Variants in RUNX1 observed in about 807,000 individuals in gnomAD.
RUNX1 encodes the protein RUNX family transcription factor 1, also known as runt-related transcription factor 1.
A neutral mutation model predicts 42.8 loss-of-function variants in RUNX1; 19 were observed. The observed-to-expected ratio is 0.44, with a 90% CI of 0.31 to 0.65. RUNX1 has a LOEUF of 0.65. Ranked by LOEUF, RUNX1 falls within the 30% of genes least tolerant of loss-of-function variation. RUNX1 has a pLI of 0.07. For synonymous variants in RUNX1, 271 were observed against 289.4 expected (o/e 0.94, Z 0.64); for missense variants, 528 against 672.0 (o/e 0.79, Z 2.37).
intron 7 of RUNX1, among the ~76,000 whole-genome samples, chr21:34,801,236 GAACTGTCAT>G (rs1167430463): frequency 1.3e-5 from 2 of 151,920 alleles, no homozygotes; most frequent in Admixed American, 1.3e-4. Flanking sequence ...AGAGGTTTCA[GAACTGTCAT>G]AAAGCCCCCC....
chr21:34,888,088 C>G (rs942716664), intron 3 of RUNX1: 2 of 1,066,262 alleles, frequency 1.9e-6, no homozygotes, highest in Non-Finnish European at 2.3e-6. Context: ...GAGTCACACA[C>G]ATGCAAACAC....
intron 2 of RUNX1, among the ~76,000 whole-genome samples, chr21:35,020,288 A>G (rs887152771): frequency 6.6e-6 from 1 of 152,030 alleles, no homozygotes; most frequent in South Asian, 2.1e-4. Flanking sequence ...AGCATTTTTC[A>G]TCATAGCATC....
chr21:34,831,438 G>T (rs1304082773), intron 7 of RUNX1, among the ~76,000 whole-genome samples: 21 of 152,178 alleles, frequency 1.4e-4, no homozygotes, highest in Admixed American at 1.4e-3. Flanking sequence ...AAGTATTGGT[G>T]CTATTCTATA....
intron 2 of RUNX1, among the ~76,000 whole-genome samples, chr21:34,957,685 C>T (rs1208741517): frequency 1.3e-5 from 2 of 152,174 alleles, no homozygotes; most frequent in Admixed American, 6.5e-5. Context: ...GATATTCACA[C>T]ATCATAATCA....
intron 2 of RUNX1, among the ~76,000 whole-genome samples, chr21:34,898,801 C>A (rs557161536): frequency 6.6e-6 from 1 of 152,244 alleles, no homozygotes; most frequent in Admixed American, 6.5e-5. Flanking sequence ...TCTGCCTCAG[C>A]AGGTCTCGGA....
chr21:34,987,417 C>A (rs929801776), intron 2 of RUNX1, among the ~76,000 whole-genome samples: 1 of 152,148 alleles, frequency 6.6e-6, no homozygotes, highest in Non-Finnish European at 1.5e-5. Context: ...CCCAGGCGCC[C>A]AGCTTCTTGG....
chr21:34,816,938 C>G (rs1056051804), intron 7 of RUNX1, among the ~76,000 whole-genome samples: 2 of 152,178 alleles, frequency 1.3e-5, no homozygotes, highest in African/African-American at 4.8e-5. Context: ...GAGAAGGAGA[C>G]AGGAAACTGG....
At chr21:34,880,779 G>C (rs2057892325) in intron 4 of RUNX1, 66 bp from the exon 5 acceptor site, 5 of 1,491,418 alleles carry the variant, frequency 3.4e-6, no homozygotes, top group Non-Finnish European at 4.7e-6. Context: ...TAGGGCATTT[G>C]TGTAGTGATT....
intron 2 of RUNX1, among the ~76,000 whole-genome samples, chr21:34,996,544 CCAGGGCAGAAT>C (rs2058998041): frequency 6.6e-6 from 1 of 151,850 alleles, no homozygotes; most frequent in African/African-American, 2.4e-5. Flanking sequence ...AGGACGAAGA[CCAGGGCAGAAT>C]CTTTGGCCTA....
chr21:34,844,598 G>GTGAA lies in RUNX1; in HGVS notation c.614-10001_614-9998dup, dbSNP rs900021466. 4.9e-5 allele frequency among the ~76,000 whole-genome samples: 7 copies of GTGAA among 143,462 alleles called. No individual in the cohort carries two copies. The East Asian group carries it at 1.7e-3, about 35-fold the overall frequency. The allele number at this position is 143,462 out of a possible 152,430, so 94.1% of individuals were successfully genotyped here. On this transcript the variant is annotated intron_variant, in intron 6 of 8. Coordinates refer to ENST00000675419, the MANE Select transcript of RUNX1 (RefSeq NM_001754.5). ...GACAAATAAATGAATGAGTGAGTGAGTGAATGAATGAATGAGTGAGCCCCT... is the reference window on the plus strand; with the variant it reads ...GACAAATAAATGAATGAGTGAGTGAGTGAATGAATGAATGAATGAGTGAGCCCCT...
chr21:34,826,111 C>T (rs913116828), intron 7 of RUNX1, among the ~76,000 whole-genome samples: 1 of 152,182 alleles, frequency 6.6e-6, no homozygotes, highest in Non-Finnish European at 1.5e-5. Context: ...TATACTTGTG[C>T]TGTGGTTTGA....
intron 5 of RUNX1, among the ~76,000 whole-genome samples, chr21:34,869,155 C>T (rs530031008): frequency 6.6e-6 from 1 of 152,148 alleles, no homozygotes; most frequent in African/African-American, 2.4e-5. Flanking sequence ...TTCAGCAAGA[C>T]CCATGCTGCC....
At position 34,901,345 on chromosome 21, in the gene RUNX1, A is replaced by G. The variant is rs1044634987; in HGVS notation, c.59-8382T>C. Among the ~76,000 whole-genome samples the G allele has an allele frequency of 6.6e-6, 1 of 152,026 alleles. No individual in the cohort carries two copies. Among genetic ancestry groups the G allele is most frequent in the Non-Finnish European group, 1.5e-5 (1 of 67,984 alleles). ...GCCAACATGGTGAAACCCCGTCTCT[A>G]CTGAAAATAAAAAAAGTAGCTGGGC... On this transcript the variant is annotated intron_variant, in intron 2 of 8. Coordinates refer to ENST00000675419, the MANE Select transcript of RUNX1 (RefSeq NM_001754.5). This position sits in a 1 kb window ranked among gnomAD's most constrained non-coding sequence, Gnocchi z 4.3.
rs1172909886 is a variant in RUNX1 at position 34,849,414 on chromosome 21, ATAT to A, written c.613+10057_613+10059del. ...TATAATATATTATACTATATATAATATATTATATAGTATATATATTATATATAT... is the reference window on the plus strand; with the variant it reads ...TATAATATATTATACTATATATAATATATATAGTATATATATTATATATAT... On this transcript the variant is annotated intron_variant, in intron 6 of 8. Transcript: ENST00000675419. Among the ~76,000 whole-genome samples, 10 of 71,552 alleles carry A rather than the reference ATAT, an allele frequency of 1.4e-4. 2 individuals carry two copies. Among genetic ancestry groups the A allele is most frequent in the East Asian group, 8.0e-4 (2 of 2,496 alleles). The allele number at this position is 71,552 out of a possible 152,430, so 46.9% of individuals were successfully genotyped here. A position where few individuals can be genotyped will look rare whatever the true frequency, so the allele number is the denominator to read the frequency against.
chr21:34,964,441 T>C (rs2058703667), intron 2 of RUNX1, among the ~76,000 whole-genome samples: 1 of 149,422 alleles, frequency 6.7e-6, no homozygotes, highest in Non-Finnish European at 1.5e-5. Context: ...TGAGCCGAGA[T>C]TGCACCACTG....
intron 2 of RUNX1, among the ~76,000 whole-genome samples, chr21:34,921,165 A>C (rs895817591): frequency 6.6e-6 from 1 of 152,182 alleles, no homozygotes; most frequent in African/African-American, 2.4e-5. Flanking sequence ...AACCATTTTA[A>C]AGTGCATAGT....
chr21:34,889,863 C>A (rs2058058367), intron 3 of RUNX1: 1 of 1,086,286 alleles, frequency 9.2e-7, no homozygotes, highest in Non-Finnish European at 1.1e-6. Context: ...GCCCTCCCTG[C>A]CGGGCCCTGC....
At chr21:34,840,187 G>A (rs954136579) in intron 6 of RUNX1, among the ~76,000 whole-genome samples, 4 of 152,146 alleles carry the variant, frequency 2.6e-5, no homozygotes, top group African/African-American at 9.7e-5. Flanking sequence ...GAAAGACTTT[G>A]GGGAATGGCA....
chr21:34,972,216 T>C (rs1039410986), intron 2 of RUNX1, among the ~76,000 whole-genome samples: 2 of 152,222 alleles, frequency 1.3e-5, no homozygotes, highest in South Asian at 2.1e-4. Flanking sequence ...GAGCCCAACA[T>C]TGACCACTGG....
Sources: gnomAD v4.1 joint callset for allele counts (sites outside exome capture counted in the v4.1 genomes callset) on GRCh38, gnomAD v4.1.1 for gene constraint, Gnocchi (gnomAD v3.1) non-coding constraint, MANE v1.5 for transcripts, NCBI Gene and HGNC (gene_info 2026-07-23, HGNC 2026-07-21) for gene names.